The following RWDD1 variants were observed in gnomAD, a reference collection of about 807,000 sequenced individuals.
RWDD1 encodes RWD domain-containing protein 1.
A neutral mutation model predicts 31.6 loss-of-function variants in RWDD1; 17 were observed. The ratio of observed to expected loss-of-function variants is 0.54; its 90% CI spans 0.37 to 0.81. The LOEUF (loss-of-function observed/expected upper bound fraction) is 0.81. Among genes scored for constraint, RWDD1 ranks in the 30% least tolerant of loss-of-function variants. The pLI, the probability that RWDD1 is intolerant of heterozygous loss-of-function variation, is 0.00. For missense variants in RWDD1, 204 were observed against 274.5 expected, an observed-to-expected ratio of 0.74 and a Z score of 1.82; for synonymous variants, 78 against 94.2, an observed-to-expected ratio of 0.83 and a Z score of 0.99.
rs1167009000 is a variant in RWDD1 at position 116,593,567 on chromosome 6, T to C, written c.*466T>C. 2 of 152,600 alleles carry C rather than the reference T, an allele frequency of 1.3e-5. No individual in the cohort carries two copies. Among genetic ancestry groups the C allele is most frequent in the African/African-American group, 4.8e-5 (2 of 41,578 alleles). 9.5% of individuals were successfully genotyped at this position (152,600 alleles called of 1,614,324 possible). A position where few individuals can be genotyped will look rare whatever the true frequency, so the allele number is the denominator to read the frequency against. On this transcript the variant is annotated 3_prime_UTR_variant, in exon 7 of 7. Transcript: ENST00000466444. The stretch of plus-strand genomic sequence containing the variant: ...AAGTCTTGATAAAACCAGGAGGCCA[T>C]ATTATGATCATAAGTAAGATGAAGT...
chr6:116,586,331 G>A (rs990746294), intron 3 of RWDD1, among the ~76,000 whole-genome samples: 4 of 151,842 alleles, frequency 2.6e-5, no homozygotes, highest in African/African-American at 9.7e-5. Context: ...ATTTTGATGT[G>A]ATCTAGTGTG....
intron 1 of RWDD1, 164 bp from the exon 2 acceptor site, chr6:116,580,131 G>T: frequency 2.6e-6 from 1 of 389,192 alleles, no homozygotes; most frequent in South Asian, 1.0e-4. Context: ...ATAGAAAGTT[G>T]ATGGTAATTT....
chr6:116,573,368 A>G (rs560144718), intron 1 of RWDD1, among the ~76,000 whole-genome samples: 140 of 152,346 alleles, frequency 9.2e-4, no homozygotes, highest in African/African-American at 3.3e-3. Flanking sequence ...AGCCAGGGTA[A>G]TAAAAGACAA....
At chr6:116,577,239 A>G (rs1293468069) in intron 1 of RWDD1, among the ~76,000 whole-genome samples, 1 of 152,340 alleles carries the variant, frequency 6.6e-6, no homozygotes, top group East Asian at 1.9e-4. Flanking sequence ...AGGATGGGGT[A>G]GAATGAGGAG....
At chr6:116,585,204 TA>T (rs1479293623) in intron 3 of RWDD1, among the ~76,000 whole-genome samples, 2 of 152,134 alleles carry the variant, frequency 1.3e-5, no homozygotes, top group South Asian at 2.1e-4. Context: ...TTCAACTTTT[TA>T]AAAAAATTAA....
chr6:116,588,762 A>G lies in RWDD1; in HGVS notation c.271-80A>G, dbSNP rs1583335379. On this transcript the variant is annotated intron_variant, in intron 3 of 6. Transcript: ENST00000466444. The stretch of plus-strand genomic sequence containing the variant: ...TTGAACTGTATGAACATAGAATATA[A>G]CCAAATTAGTAATTATTATAAATGT... The G allele has an allele frequency of 1.9e-5, 18 of 967,278 alleles. No individual in the cohort carries two copies. The East Asian group carries it at 5.8e-4, about 31-fold the overall frequency. The allele number at this position is 967,278 out of a possible 1,614,324, so 59.9% of individuals were successfully genotyped here.
At chr6:116,578,895 A>G (rs918823024) in intron 1 of RWDD1, among the ~76,000 whole-genome samples, 2 of 149,680 alleles carry the variant, frequency 1.3e-5, no homozygotes, top group Non-Finnish European at 3.0e-5. Flanking sequence ...CTTTTTTTTG[A>G]GACAGAGTCC....
intron 2 of RWDD1, among the ~76,000 whole-genome samples, chr6:116,580,842 A>G (rs1016114574): frequency 6.6e-6 from 1 of 152,120 alleles, no homozygotes; most frequent in Non-Finnish European, 1.5e-5. Context: ...TAACTATAAA[A>G]ACCAATAAAT....
In RWDD1 at chr6:116,596,262, C is replaced by G. The variant is rs1378860964; in HGVS notation, c.*3161C>G. 1 of 152,216 alleles carries G rather than the reference C, an allele frequency of 6.6e-6. No individual in the cohort carries two copies. Among genetic ancestry groups the G allele is most frequent in the Non-Finnish European group, 1.5e-5 (1 of 68,034 alleles). The allele number at this position is 152,216 out of a possible 1,614,324, so 9.4% of individuals were successfully genotyped here. A position where few individuals can be genotyped will look rare whatever the true frequency, so the allele number is the denominator to read the frequency against. ...TAGGAACTAATTTTAGAAAAAGACTCTTCAGAACAGATGACACATGAAATG... is the reference window on the plus strand; with the variant it reads ...TAGGAACTAATTTTAGAAAAAGACTGTTCAGAACAGATGACACATGAAATG... On this transcript the variant is annotated 3_prime_UTR_variant, in exon 7 of 7. Transcript: ENST00000466444.
intron 2 of RWDD1, among the ~76,000 whole-genome samples, chr6:116,581,628 A>G (rs1774948321): frequency 6.6e-6 from 1 of 152,046 alleles, no homozygotes; most frequent in Non-Finnish European, 1.5e-5. Context: ...TTGATATACA[A>G]TTTCTAAAGG....
At chr6:116,590,232 G>GT (rs758670526) in intron 4 of RWDD1, 40 bp from the exon 5 acceptor site, 9 of 1,181,944 alleles carry the variant, frequency 7.6e-6, no homozygotes, top group Non-Finnish European at 9.6e-6. Flanking sequence ...TTAAACTGCT[G>GT]TTTCATTAAT....
chr6:116,573,045 A>G (rs1774773322), intron 1 of RWDD1: 2 of 950,106 alleles, frequency 2.1e-6, no homozygotes, highest in Admixed American at 6.2e-5. Flanking sequence ...TATGTCTAAA[A>G]TAGAATATAG....
intron 1 of RWDD1, among the ~76,000 whole-genome samples, chr6:116,576,777 C>T (rs1269958383): frequency 6.6e-6 from 1 of 152,082 alleles, no homozygotes; most frequent in Admixed American, 6.5e-5. Flanking sequence ...GGTATTCCAG[C>T]CTGGGACCCA....
intron 1 of RWDD1, among the ~76,000 whole-genome samples, chr6:116,575,799 G>A (rs75439482): frequency 0.03 from 4,614 of 152,182 alleles, 95 homozygotes; most frequent in Middle Eastern, 0.099. Context: ...TCTTACACTC[G>A]TGGCCAAGAT....
intron 6 of RWDD1, among the ~76,000 whole-genome samples, chr6:116,591,688 C>T (rs1162346627): frequency 6.6e-6 from 1 of 152,222 alleles, no homozygotes; most frequent in African/African-American, 2.4e-5. Context: ...AGCTTATGGC[C>T]TACATGTGTT....
Position 116,579,282 on chromosome 6 carries a change from C to T in RWDD1, c.74-1013C>T, listed in dbSNP as rs546392437. On this transcript the variant is annotated intron_variant, in intron 1 of 6. Coordinates refer to ENST00000466444, the MANE Select transcript of RWDD1 (RefSeq NM_015952.4). ...CTTCTTCAGTAATCCATTGCTCTTTCATTCTGAAAAAGTCTGCAGAGCTGC... is the reference window on the plus strand; with the variant it reads ...CTTCTTCAGTAATCCATTGCTCTTTTATTCTGAAAAAGTCTGCAGAGCTGC... Among the ~76,000 whole-genome samples, 15 of 152,334 alleles carry T rather than the reference C, an allele frequency of 9.8e-5. No homozygotes were observed. In the South Asian group the frequency reaches 3.1e-3, roughly 32 times the overall value.
chr6:116,579,001 G>C (rs1389200820), intron 1 of RWDD1, among the ~76,000 whole-genome samples: 1 of 152,050 alleles, frequency 6.6e-6, no homozygotes, highest in Non-Finnish European at 1.5e-5. Context: ...TCAGCCTCTG[G>C]AGTAGCTGGG....
In RWDD1 at chr6:116,588,953, CA is replaced by C; in HGVS notation, c.387del (p.Glu130LysfsTer23). 1 of 1,428,720 alleles carries C rather than the reference CA, an allele frequency of 7.0e-7. No individual in the cohort carries two copies. Among genetic ancestry groups the C allele is most frequent in the Non-Finnish European group, 9.2e-7 (1 of 1,082,296 alleles). 88.5% of individuals were successfully genotyped at this position (1,428,720 alleles called of 1,614,324 possible). ...AACTAGAAGAGAAGAAGAAAAGAAA[CA>C]AAAAGAAAAAGAAGCAGAAGAAGCT... The part of the protein sequence containing the change: ...IKTRREEEKK[Q>X]KEKEAEEAEK... On this transcript the variant is annotated frameshift_variant, in exon 4 of 7. Transcript: ENST00000466444. LOFTEE classifies it high-confidence loss of function.
chr6:116,573,068 GAT>G (rs1430424550), intron 1 of RWDD1: 1 of 875,492 alleles, frequency 1.1e-6, no homozygotes, highest in East Asian at 1.2e-4. Context: ...TCAGTTGTTG[GAT>G]ATATTCTTAA....
Sources: allele counts gnomAD v4.1 joint callset (sites outside exome capture counted in the v4.1 genomes callset), GRCh38; gene constraint gnomAD v4.1.1; transcripts MANE v1.5; gene names NCBI Gene and HGNC (gene_info 2026-07-23, HGNC 2026-07-21).